The following GALNS variants were observed in gnomAD, a reference collection of about 807,000 sequenced individuals.
GALNS encodes galactosamine (N-acetyl)-6-sulfatase.
Under a neutral mutation model 65.9 loss-of-function variants are expected in GALNS, and 65 were observed. The observed-to-expected ratio is 0.99, with a 90% CI of 0.81 to 1.21. GALNS has a LOEUF of 1.21. Among genes scored for constraint, GALNS ranks in the 50% most tolerant of loss-of-function variants. The pLI is 0.00. For missense variants in GALNS, 776 were observed against 700.7 expected (o/e 1.11, Z -1.21); for synonymous variants, 346 against 288.9 (o/e 1.20, Z -2.00).
chr16:88,856,368 C>A (rs1597612481), intron 1 of GALNS: 1 of 701,760 alleles, frequency 1.4e-6, no homozygotes, highest in African/African-American at 1.7e-5. Context: ...GGAGGCCACG[C>A]TGCGCGCCCA....
At chr16:88,838,654 G>A (rs564732729) in intron 4 of GALNS, 2 of 152,404 alleles carry the variant, frequency 1.3e-5, no homozygotes, top group Non-Finnish European at 2.9e-5. Flanking sequence ...AGCTGTCCGG[G>A]TTTCCTTGCG....
At chr16:88,840,004 G>A (rs1178436665) in intron 4 of GALNS, among the ~76,000 whole-genome samples, 1 of 152,214 alleles carries the variant, frequency 6.6e-6, no homozygotes, top group Non-Finnish European at 1.5e-5. Flanking sequence ...GCTGACTTCC[G>A]CCATGGCCCC....
chr16:88,826,650 G>A (rs1567521501), intron 10 of GALNS, 52 bp downstream of exon 10: 1 of 1,594,416 alleles, frequency 6.3e-7, no homozygotes, highest in South Asian at 1.1e-5. Context: ...TAGCAGCTCT[G>A]GGCTTCACTA....
chr16:88,814,620 G>C, intron 13 of GALNS, 95 bp from the exon 14 acceptor site: 1 of 1,536,288 alleles, frequency 6.5e-7, no homozygotes, highest in African/African-American at 1.4e-5. Context: ...TTCTGAGACA[G>C]TCTCACTCTG....
At chr16:88,842,264 C>T (rs566792083) in intron 2 of GALNS, 22 of 555,668 alleles carry the variant, frequency 4.0e-5, no homozygotes, top group Middle Eastern at 4.9e-4. Context: ...CAGGTCCACA[C>T]GCCCCCATCC....
chr16:88,835,303 C>G lies in GALNS; in HGVS notation c.808G>C (p.Glu270Gln). 6.2e-7 allele frequency: 1 copy of G among 1,613,582 alleles called. No individual in the cohort carries two copies. The highest frequency in any genetic ancestry group is 8.5e-7 in the Non-Finnish European group (1 of 1,179,826). ...GCGACGTGCAGGTCTTGGAGGAGCTCCAGTATCTTCCCAATGCTGTCATCA... is the reference window on the plus strand; with the variant it reads ...GCGACGTGCAGGTCTTGGAGGAGCTGCAGTATCTTCCCAATGCTGTCATCA... ...EIDDSIGKIL[E>Q]LLQDLHVADN... The change falls in exon 8 of 14, where the codon GAG (glutamate) becomes CAG (glutamine). Residue 270 changes from glutamate (E) to glutamine (Q), a missense_variant. Transcript: ENST00000268695.
intron 1 of GALNS, among the ~76,000 whole-genome samples, chr16:88,853,582 G>A (rs1967609951): frequency 6.6e-6 from 1 of 152,200 alleles, no homozygotes; most frequent in South Asian, 2.1e-4. Flanking sequence ...TCCAAATAAG[G>A]AGTGGAGACA....
intron 12 of GALNS, among the ~76,000 whole-genome samples, chr16:88,821,390 A>T (rs1910204766): frequency 6.6e-6 from 1 of 152,146 alleles, no homozygotes; most frequent in Admixed American, 6.5e-5. Flanking sequence ...CCCGTGCCTT[A>T]ATCACAAGGC....
At chr16:88,843,169 C>T in intron 1 of GALNS, 2 of 1,389,102 alleles carry the variant, frequency 1.4e-6, no homozygotes, top group South Asian at 1.2e-5. Context: ...CATCTGCATG[C>T]TCGCAGGAGC....
intron 9 of GALNS, among the ~76,000 whole-genome samples, chr16:88,827,562 T>A (rs1911061927): frequency 6.6e-6 from 1 of 152,226 alleles, no homozygotes; most frequent in South Asian, 2.1e-4. Context: ...TTCTCCTGAC[T>A]CAGTCTCCCG....
Position 88,837,678 on chromosome 16 carries a change from A to G in GALNS, c.510T>C (p.Tyr170=), listed in dbSNP as rs3743544. 0.038 allele frequency: 61,877 copies of G among 1,613,984 alleles called. 1,423 individuals carry two copies. The highest frequency in any genetic ancestry group is 0.079 in the South Asian group (7,186 of 91,070). Residue 170 remains tyrosine, a synonymous_variant, in exon 5 of 14, where the codon TAT becomes TAC. Coordinates refer to ENST00000268695, the MANE Select transcript of GALNS (RefSeq NM_000512.5). ...FGSPNCHFGP[Y]DNKARPNIPV... ...GGATGTTGGGCCTGGCCTTGTTGTC[A>G]TAAGGTCCAAAGTGGCAGTTGGGGG...
intron 11 of GALNS, among the ~76,000 whole-genome samples, chr16:88,824,458 CAG>C (rs954449777): frequency 9.9e-5 from 15 of 152,260 alleles, no homozygotes; most frequent in Admixed American, 5.2e-4. Context: ...GGGGGAGGCT[CAG>C]ATGCCCTGGC....
In GALNS at chr16:88,855,624, A is replaced by T; in HGVS notation, c.120+1134T>A. ...TATGGGTGGTGTCTGTTATCTTTTC[A>T]AGTATATCTTTATGTTAAAAAACCA... On this transcript the variant is annotated intron_variant, in intron 1 of 13. Coordinates refer to ENST00000268695, the MANE Select transcript of GALNS (RefSeq NM_000512.5). The T allele has an allele frequency of 8.0e-6, 5 of 622,670 alleles. No homozygotes were observed. In the South Asian group the frequency reaches 8.8e-5, roughly 11 times the overall value. 38.6% of individuals were successfully genotyped at this position (622,670 alleles called of 1,614,324 possible). A position where few individuals can be genotyped will look rare whatever the true frequency, so the allele number is the denominator to read the frequency against.
chr16:88,846,818 C>T (rs1349080302), intron 1 of GALNS, among the ~76,000 whole-genome samples: 3 of 152,124 alleles, frequency 2.0e-5, no homozygotes, highest in Non-Finnish European at 4.4e-5. Flanking sequence ...GCTGGGATTA[C>T]AGGTGTGAGC....
chr16:88,830,812 G>T (rs1055320046), intron 9 of GALNS, among the ~76,000 whole-genome samples: 1 of 152,152 alleles, frequency 6.6e-6, no homozygotes. Context: ...AGACACCAAC[G>T]GTCTCGTGTC....
Position 88,835,821 on chromosome 16 carries a change from G to A in GALNS, c.662C>T (p.Ala221Val). The change falls in exon 7 of 14, where the codon GCA becomes GTA. Residue 221 changes from alanine to valine, a missense_variant. Physicochemically the swap from Ala to Val is moderately conservative, Grantham distance 64. Coordinates refer to ENST00000268695, the MANE Select transcript of GALNS (RefSeq NM_000512.5). ...QEALDFIKRQ[A>V]RHHPFFLYWA... ...GTAGAGGAAAAAGGGGTGGTGCCGT[G>A]CCTGTCTCTTAATGAAGTCCAGGGC... 2 of 1,614,144 alleles carry A rather than the reference G, an allele frequency of 1.2e-6. No homozygotes were observed. Among genetic ancestry groups the A allele is most frequent in the Non-Finnish European group, 8.5e-7 (1 of 1,180,028 alleles).
intron 1 of GALNS, chr16:88,855,519 G>C (rs746770522): frequency 1.4e-6 from 1 of 702,568 alleles, no homozygotes; most frequent in Admixed American, 2.0e-5. Context: ...CTGGAAAGCA[G>C]TCACTGCACA....
rs1567526788 is a variant in GALNS at position 88,831,989 on chromosome 16, CT to C, written c.1002+8del. The C allele has an allele frequency of 3.7e-6, 6 of 1,611,778 alleles. No homozygotes were observed. In the South Asian group the frequency reaches 6.6e-5, roughly 18 times the overall value. On this transcript the variant is annotated splice_region_variant and intron_variant, in intron 9 of 13. Transcript: ENST00000268695. ...CTGCTGCCCGGCAGACCGGTGGACG[CT>C]GACTCACCTGGCCTGCAGTGACGTG... is the stretch of plus-strand genomic sequence containing the variant.
In GALNS at chr16:88,818,123, A is replaced by T; in HGVS notation, c.1366T>A (p.Phe456Ile). Residue 456 changes from phenylalanine (F) to isoleucine (I), a missense_variant and splice_region_variant, in exon 13 of 14, where the codon TTT (phenylalanine) becomes ATT (isoleucine). Coordinates refer to ENST00000268695, the MANE Select transcript of GALNS (RefSeq NM_000512.5). ...RDPGERFPLS[F>I]ASAEYQEALS... The stretch of plus-strand genomic sequence containing the variant: ...GCCTCCTGGTACTCGGCGCTGGCAA[A>T]GCTGGGGACAGAGAGCTCTGGTCAC... 6.4e-7 allele frequency: 1 copy of T among 1,571,714 alleles called. No individual in the cohort carries two copies. Among genetic ancestry groups the T allele is most frequent in the Non-Finnish European group, 8.6e-7 (1 of 1,166,618 alleles).
Sources: gnomAD v4.1 joint callset for allele counts (sites outside exome capture counted in the v4.1 genomes callset) on GRCh38, gnomAD v4.1.1 for gene constraint, MANE v1.5 for transcripts, NCBI Gene and HGNC (gene_info 2026-07-23, HGNC 2026-07-21) for gene names.